STRIP1: variants seen among roughly 807,000 people sequenced by gnomAD.
The protein encoded by STRIP1 is striatin-interacting protein 1.
Under a neutral mutation model 106.2 loss-of-function variants are expected in STRIP1, and 63 were observed. The ratio of observed to expected loss-of-function variants is 0.59; its 90% CI spans 0.48 to 0.73. The LOEUF (loss-of-function observed/expected upper bound fraction) is 0.73. STRIP1 is among the 30% of genes least tolerant of loss of function. The pLI is 0.00. For missense variants in STRIP1, 857 were observed against 1,074.8 expected (o/e 0.80, Z 2.83); for synonymous variants, 390 against 413.0 (o/e 0.94, Z 0.67).
chr1:110,045,416 A>G (rs1557792875), intron 12 of STRIP1: 2 of 268,042 alleles, frequency 7.5e-6, no homozygotes, highest in Non-Finnish European at 1.5e-5. Flanking sequence ...GATCAAGGCT[A>G]CAGTGAGCTA....
At chr1:110,038,568 A>G (rs1287194009) in intron 2 of STRIP1, 115 bp from the exon 3 acceptor site, 49 of 751,892 alleles carry the variant, frequency 6.5e-5, no homozygotes, top group Non-Finnish European at 9.2e-5. Flanking sequence ...AGGAGTCACT[A>G]TGACTCAGGG....
chr1:110,032,113 C>T (rs1381591614), upstream of STRIP1, among the ~76,000 whole-genome samples: 1 of 152,022 alleles, frequency 6.6e-6, no homozygotes, highest in African/African-American at 2.4e-5. Context: ...AACACCATTG[C>T]CTGAATATTA....
intron 20 of STRIP1, among the ~76,000 whole-genome samples, chr1:110,052,423 A>G (rs1367116663): frequency 6.6e-6 from 1 of 152,008 alleles, no homozygotes; most frequent in Non-Finnish European, 1.5e-5. Context: ...CACTGTGCCC[A>G]CCTAATTGTA....
chr1:110,037,999 T>C, intron 2 of STRIP1, 39 bp downstream of exon 2: 1 of 1,375,366 alleles, frequency 7.3e-7, no homozygotes, highest in Admixed American at 1.7e-5. Flanking sequence ...GGGTGGTTTT[T>C]TCCTTATTGG....
intron 19 of STRIP1, 113 bp from the exon 20 acceptor site, chr1:110,051,570 G>A: frequency 9.4e-7 from 1 of 1,063,574 alleles, no homozygotes; most frequent in Non-Finnish European, 1.4e-6. Context: ...GGGAAACTGG[G>A]ATGGTTTGTC....
chr1:110,045,116 C>G (rs1652957641), intron 12 of STRIP1, 38 bp downstream of exon 12: 2 of 1,597,304 alleles, frequency 1.3e-6, no homozygotes, highest in South Asian at 1.1e-5. Context: ...TTGTTTGGTC[C>G]TAAGTGAGTA....
chr1:110,045,206 C>A, intron 12 of STRIP1, 128 bp downstream of exon 12: 1 of 752,492 alleles, frequency 1.3e-6, no homozygotes. Flanking sequence ...CCGGGGTGGA[C>A]TTTGCAATAA....
chr1:110,052,755 C>G (rs1653361496), intron 20 of STRIP1, among the ~76,000 whole-genome samples: 1 of 152,180 alleles, frequency 6.6e-6, no homozygotes, highest in Non-Finnish European at 1.5e-5. Context: ...CAGGCATGAT[C>G]CACTGTGCCC....
intron 6 of STRIP1, chr1:110,041,322 C>A (rs1222191954): frequency 9.8e-6 from 5 of 508,318 alleles, no homozygotes. Context: ...CCCTGTTCTG[C>A]TTTGACCCTA....
intron 2 of STRIP1, 94 bp from the exon 3 acceptor site, chr1:110,038,589 G>C: frequency 1.1e-6 from 1 of 948,738 alleles, no homozygotes; most frequent in Non-Finnish European, 1.7e-6. Flanking sequence ...GCAGAGTTGA[G>C]AGTGGAAGCA....
chr1:110,051,101 C>G (rs751436827), intron 19 of STRIP1, 41 bp downstream of exon 19: 1 of 1,359,276 alleles, frequency 7.4e-7, no homozygotes, highest in South Asian at 1.2e-5. Context: ...GAACTTGGAG[C>G]TCAAAGAAGA....
chr1:110,051,872 T>C lies in STRIP1; in HGVS notation c.2251T>C (p.Trp751Arg). 1 of 1,612,306 alleles carries C rather than the reference T, an allele frequency of 6.2e-7. No homozygotes were observed. Among genetic ancestry groups the C allele is most frequent in the Non-Finnish European group, 8.5e-7 (1 of 1,179,884 alleles). The change falls in exon 20 of 21, where the codon TGG becomes CGG. Residue 751 changes from tryptophan (W) to arginine (R), a missense_variant. Physicochemically the swap from Trp to Arg is moderately radical, Grantham distance 101. Around this residue, in one of 2 missense-constraint regions of STRIP1, gnomAD observed 750 missense variants for 989.8 expected, o/e 0.76. Coordinates refer to ENST00000369795, the MANE Select transcript of STRIP1 (RefSeq NM_033088.4). The part of the protein sequence containing the change: ...QKVRHRLNDD[W>R]AYGNDLDARP... ...GGTGCGGCATCGGCTGAACGACGAC[T>C]GGGCATACGGCAATGGTGAGACTCT...
Position 110,043,607 on chromosome 1 carries a change from GC to G in STRIP1, c.1069-31del, listed in dbSNP as rs759885612. ...CTTCCCTGGTCTGCGTCCTCAGTTG[GC>G]TCTTGTCTCATCTCCCTTCCCTGGT... On this transcript the variant is annotated intron_variant, in intron 9 of 20. Transcript: ENST00000369795. 2.5e-6 allele frequency: 4 copies of G among 1,590,912 alleles called. No homozygotes were observed. The African/African-American group carries it at 5.4e-5, about 21-fold the overall frequency.
intron 1 of STRIP1, 111 bp downstream of exon 1, chr1:110,034,928 C>A: frequency 9.1e-7 from 1 of 1,097,862 alleles, no homozygotes; most frequent in Non-Finnish European, 1.2e-6. Flanking sequence ...TCGGTAGAGT[C>A]CGGCCGAGAA....
Position 110,053,655 on chromosome 1 carries a change from T to C in STRIP1, c.2267-10T>C, listed in dbSNP as rs1452334313. On this transcript the variant is annotated splice_polypyrimidine_tract_variant and intron_variant, in intron 20 of 20. Transcript: ENST00000369795. ...GGCTCCTAACGGTGTTTCTTCCTGC[T>C]TTGTCTCAGATCTTGATGCCCGGCC... 1 of 1,613,508 alleles carries C rather than the reference T, an allele frequency of 6.2e-7. No individual in the cohort carries two copies. The highest frequency in any genetic ancestry group is 1.3e-5 in the African/African-American group (1 of 74,898).
chr1:110,050,249 G>C, intron 17 of STRIP1, 94 bp from the exon 18 acceptor site: 1 of 1,210,116 alleles, frequency 8.3e-7, no homozygotes, highest in Admixed American at 1.8e-5. Context: ...CAACAAGTGA[G>C]GGAGGAAAGC....
upstream of STRIP1, among the ~76,000 whole-genome samples, chr1:110,033,354 G>C (rs369102103): frequency 1.3e-5 from 2 of 151,994 alleles, no homozygotes. Context: ...CTAACCGTTT[G>C]GGCTTCCTTT....
At chr1:110,047,750 C>G (rs1350673082) in intron 14 of STRIP1, 22 bp from the exon 15 acceptor site, 22 of 1,556,730 alleles carry the variant, frequency 1.4e-5, no homozygotes, top group Admixed American at 3.9e-5. Flanking sequence ...AGACCTGTGT[C>G]TGAATGGTCT....
intron 1 of STRIP1, among the ~76,000 whole-genome samples, chr1:110,035,378 T>A (rs1311440457): frequency 3.3e-5 from 5 of 152,204 alleles, no homozygotes; most frequent in Non-Finnish European, 7.3e-5. Flanking sequence ...TCTTCTGACC[T>A]GAGCCAGATC....
Sources: gnomAD v4.1 joint callset for allele counts (sites outside exome capture counted in the v4.1 genomes callset) on GRCh38, gnomAD v4.1.1 for gene constraint, gnomAD v4.1.1 regional missense constraint, MANE v1.5 for transcripts, NCBI Gene and HGNC (gene_info 2026-07-23, HGNC 2026-07-21) for gene names.